Variants in GRAMD2B observed in about 807,000 individuals in gnomAD.
GRAMD2B encodes GRAM domain-containing protein 2B.
GRAMD2B carries 41 observed loss-of-function variants against 59.2 expected under a neutral mutation model. The observed-to-expected ratio is 0.69, with a 90% confidence interval of 0.54 to 0.90. The LOEUF (loss-of-function observed/expected upper bound fraction) is 0.90. GRAMD2B is among the 40% of genes least tolerant of loss of function. The pLI is 0.00. For synonymous variants in GRAMD2B, 161 were observed against 182.7 expected (o/e 0.88, Z 0.96); for missense variants, 424 against 500.5 (o/e 0.85, Z 1.46).
intron 1 of GRAMD2B, among the ~76,000 whole-genome samples, chr5:126,387,710 T>C (rs1432272453): frequency 6.6e-6 from 1 of 151,968 alleles, no homozygotes; most frequent in Non-Finnish European, 1.5e-5. Context: ...GGAGAACAAA[T>C]TGTAAACAGA....
chr5:126,414,900 G>A (rs1313696411), intron 1 of GRAMD2B, among the ~76,000 whole-genome samples: 1 of 152,102 alleles, frequency 6.6e-6, no homozygotes, highest in African/African-American at 2.4e-5. Context: ...TTAAGGTTTT[G>A]CAATTGGTTT....
rs915612727 is a variant in GRAMD2B at position 126,360,140 on chromosome 5, A to G, written c.-192A>G. ...TCTGTGGTCATTTGCTTTCTCACAC[A>G]TGTGGGTTTCAAGTGCGGCTGGTGC... On this transcript the variant is annotated 5_prime_UTR_variant, in exon 1 of 14. Transcript: ENST00000513040. 3 of 577,462 alleles carry G rather than the reference A, an allele frequency of 5.2e-6. No individual in the cohort carries two copies. The African/African-American group carries it at 5.6e-5, about 11-fold the overall frequency. The allele number at this position is 577,462 out of a possible 1,614,324, so 35.8% of individuals were successfully genotyped here.
At chr5:126,380,383 A>G (rs988409682) in intron 1 of GRAMD2B, among the ~76,000 whole-genome samples, 2 of 151,902 alleles carry the variant, frequency 1.3e-5, no homozygotes, top group African/African-American at 4.8e-5. Flanking sequence ...TGCTTTGGCT[A>G]TGTGGGCTGA....
At chr5:126,445,961 G>A (rs1263165212) in intron 1 of GRAMD2B, among the ~76,000 whole-genome samples, 3 of 152,142 alleles carry the variant, frequency 2.0e-5, no homozygotes, top group African/African-American at 7.2e-5. Context: ...TCCTACTGCT[G>A]TGCTAGCAAG....
chr5:126,396,695 G>T (rs1011523093), intron 1 of GRAMD2B, among the ~76,000 whole-genome samples: 2 of 152,132 alleles, frequency 1.3e-5, no homozygotes, highest in African/African-American at 4.8e-5. Flanking sequence ...TATATACCCA[G>T]TAATGGATTG....
At chr5:126,468,252 C>T (rs951111995) in intron 2 of GRAMD2B, among the ~76,000 whole-genome samples, 1 of 152,202 alleles carries the variant, frequency 6.6e-6, no homozygotes. Flanking sequence ...CTAGAATCAT[C>T]TTAGAAGGAA....
At chr5:126,404,444 C>T (rs1386250285) in intron 1 of GRAMD2B, among the ~76,000 whole-genome samples, 1 of 151,708 alleles carries the variant, frequency 6.6e-6, no homozygotes, top group Non-Finnish European at 1.5e-5. Context: ...GATGTTAACC[C>T]CCTAAAGGAA....
chr5:126,432,073 C>A (rs1342321963), intron 1 of GRAMD2B, among the ~76,000 whole-genome samples: 2 of 152,114 alleles, frequency 1.3e-5, no homozygotes, highest in Non-Finnish European at 2.9e-5. Flanking sequence ...GGACTACAGG[C>A]GTGCACCACC....
intron 1 of GRAMD2B, among the ~76,000 whole-genome samples, chr5:126,439,270 T>A (rs964534577): frequency 6.6e-6 from 1 of 152,004 alleles, no homozygotes; most frequent in Non-Finnish European, 1.5e-5. Context: ...AGATATTTCA[T>A]ATATGTCTAT....
chr5:126,438,498 G>A (rs1762772079), intron 1 of GRAMD2B, among the ~76,000 whole-genome samples: 1 of 152,284 alleles, frequency 6.6e-6, no homozygotes, highest in South Asian at 2.1e-4. Context: ...CTTGTATAAT[G>A]ACTTCAAGTT....
chr5:126,450,146 A>C (rs1486277469), intron 1 of GRAMD2B, among the ~76,000 whole-genome samples: 1 of 152,028 alleles, frequency 6.6e-6, no homozygotes, highest in Non-Finnish European at 1.5e-5. Context: ...GTTATCGTAG[A>C]TGCCAGAGTG....
At position 126,473,251 on chromosome 5, in the gene GRAMD2B, G is replaced by A; in HGVS notation, c.383-14G>A. ...AAATTCTAAATGATGCTGTGCCTGT[G>A]TATATTTTCCCAGGCTTTACCTGTG... On this transcript the variant is annotated splice_polypyrimidine_tract_variant and intron_variant, in intron 4 of 13. Coordinates refer to ENST00000285689, the MANE Select transcript of GRAMD2B (RefSeq NM_023927.4). 3 of 1,015,656 alleles carry A rather than the reference G, an allele frequency of 3.0e-6. No individual in the cohort carries two copies. The highest frequency in any genetic ancestry group is 2.8e-6 in the Non-Finnish European group (2 of 708,812). 62.9% of individuals were successfully genotyped at this position (1,015,656 alleles called of 1,614,324 possible).
Position 126,465,960 on chromosome 5 carries a change from T to G in GRAMD2B, c.203+415T>G, listed in dbSNP as rs146748324. ...GACCCACCAGGCCACCAGTTTCCTG[T>G]GACAGACTAAGAGGGAGGGTTGGTT... On this transcript the variant is annotated intron_variant, in intron 2 of 13. Coordinates refer to ENST00000285689, the MANE Select transcript of GRAMD2B (RefSeq NM_023927.4). Among the ~76,000 whole-genome samples, 476 of 152,194 alleles carry G rather than the reference T, an allele frequency of 3.1e-3. 3 individuals are homozygous for G. The highest frequency in any genetic ancestry group is 0.011 in the African/African-American group (458 of 41,536).
At chr5:126,480,742 A>G in intron 8 of GRAMD2B, 35 bp downstream of exon 8, 1 of 1,558,270 alleles carries the variant, frequency 6.4e-7, no homozygotes, top group African/African-American at 1.4e-5. Flanking sequence ...AATGCAAAAG[A>G]AAGGGAATAT....
upstream of GRAMD2B, among the ~76,000 whole-genome samples, chr5:126,420,054 CAAAAAA>C (rs386404926): frequency 2.9e-5 from 3 of 103,704 alleles, no homozygotes; most frequent in East Asian, 5.4e-4. Context: ...GACTCTTTCT[CAAAAAA>C]AAAAAAAAAA....
intron 1 of GRAMD2B, among the ~76,000 whole-genome samples, chr5:126,399,720 T>A (rs1757662552): frequency 6.6e-6 from 1 of 152,236 alleles, no homozygotes; most frequent in African/African-American, 2.4e-5. Flanking sequence ...ATTGACCCTT[T>A]TAACATTATA....
intron 1 of GRAMD2B, among the ~76,000 whole-genome samples, chr5:126,401,078 G>T (rs1250504853): frequency 6.6e-6 from 1 of 151,706 alleles, no homozygotes; most frequent in Non-Finnish European, 1.5e-5. Flanking sequence ...ATATAGGTTT[G>T]GTTGATGGTG....
upstream of GRAMD2B, among the ~76,000 whole-genome samples, chr5:126,418,956 C>A (rs1011222824): frequency 4.6e-5 from 7 of 152,140 alleles, no homozygotes; most frequent in Non-Finnish European, 1.0e-4. Context: ...CACAGAGCTT[C>A]CAGGTTTCAT....
chr5:126,382,118 A>C (rs1424484961), intron 1 of GRAMD2B, among the ~76,000 whole-genome samples: 1 of 152,174 alleles, frequency 6.6e-6, no homozygotes, highest in African/African-American at 2.4e-5. Flanking sequence ...CACAGCTCTT[A>C]AGATTCTTTC....
Sources: gnomAD v4.1 joint callset for allele counts (sites outside exome capture counted in the v4.1 genomes callset) on GRCh38, gnomAD v4.1.1 for gene constraint, MANE v1.5 for transcripts, NCBI Gene and HGNC (gene_info 2026-07-23, HGNC 2026-07-21) for gene names.